EIF2AK4: variants seen among roughly 807,000 people sequenced by gnomAD.
EIF2AK4 encodes eukaryotic translation initiation factor 2 alpha kinase 4, also known as eIF-2-alpha kinase GCN2.
EIF2AK4 carries 139 observed loss-of-function variants against 211.1 expected under a neutral mutation model. The observed-to-expected ratio is 0.66, with a 90% CI of 0.57 to 0.76. EIF2AK4 has a LOEUF of 0.76. Among genes scored for constraint, EIF2AK4 ranks in the 30% least tolerant of loss-of-function variants. The pLI, the probability that EIF2AK4 is intolerant of heterozygous loss-of-function variation, is 0.00. For synonymous variants in EIF2AK4, 710 were observed against 751.3 expected, an observed-to-expected ratio of 0.94 and a Z score of 0.90; for missense variants, 1,664 against 2,043.8, an observed-to-expected ratio of 0.81 and a Z score of 3.58.
chr15:39,984,350 C>T (rs936744988), intron 13 of EIF2AK4, among the ~76,000 whole-genome samples: 4 of 152,100 alleles, frequency 2.6e-5, no homozygotes, highest in Non-Finnish European at 5.9e-5. Context: ...TTTTTGGTCC[C>T]ATATAAAATT....
At chr15:40,023,195 A>G (rs117394426) in intron 32 of EIF2AK4, among the ~76,000 whole-genome samples, 5,082 of 152,330 alleles carry the variant, frequency 0.033, 115 homozygotes, top group Middle Eastern at 0.078. Flanking sequence ...GTAAAGTTGT[A>G]TCTGCTGATA....
chr15:40,013,370 A>G (rs1209941290), intron 27 of EIF2AK4, among the ~76,000 whole-genome samples: 1 of 152,160 alleles, frequency 6.6e-6, no homozygotes, highest in East Asian at 1.9e-4. Context: ...TTTATCTTTA[A>G]TCCCTCTATT....
intron 13 of EIF2AK4, among the ~76,000 whole-genome samples, chr15:39,984,721 G>C (rs879925598): frequency 6.6e-6 from 1 of 152,222 alleles, no homozygotes; most frequent in East Asian, 1.9e-4. Flanking sequence ...AGACTTTGCT[G>C]AAGTTGCTTA....
At chr15:40,024,981 G>C (rs777840466) in intron 32 of EIF2AK4, among the ~76,000 whole-genome samples, 2 of 152,134 alleles carry the variant, frequency 1.3e-5, no homozygotes, top group Non-Finnish European at 2.9e-5. Context: ...TACAGATAAA[G>C]TTCTCCAAGG....
Position 39,973,023 on chromosome 15 carries a change from G to T in EIF2AK4, c.1660+9G>T, listed in dbSNP as rs556018078. ...GGAACAAAGTCCTGAAGGTGAGTCT[G>T]TTACCTTTCTTTATTTGGTAACCTG... On this transcript the variant is annotated intron_variant, in intron 10 of 38. Transcript: ENST00000263791. The T allele has an allele frequency of 6.2e-7, 1 of 1,606,194 alleles. No homozygotes were observed. Among genetic ancestry groups the T allele is most frequent in the East Asian group, 2.2e-5 (1 of 44,816 alleles).
At chr15:39,949,636 G>A (rs1027023346) in intron 4 of EIF2AK4, among the ~76,000 whole-genome samples, 18 of 152,070 alleles carry the variant, frequency 1.2e-4, no homozygotes, top group Non-Finnish European at 1.5e-4. Context: ...GCAAAAGCCA[G>A]AGAATAATTT....
At chr15:39,985,747 A>G in intron 13 of EIF2AK4, 58 bp from the exon 14 acceptor site, 1 of 1,552,232 alleles carries the variant, frequency 6.4e-7, no homozygotes, top group East Asian at 2.3e-5. Context: ...AATGATGGTG[A>G]TGATTTTGCT....
rs2035118325 is a variant in EIF2AK4, at chr15:40,003,330, C to CGTT, written c.3357+16_3357+17insGTT. 1 of 1,613,286 alleles carries CGTT rather than the reference C, an allele frequency of 6.2e-7. No individual in the cohort carries two copies. The highest frequency in any genetic ancestry group is 8.5e-7 in the Non-Finnish European group (1 of 1,179,708). ...TGACCTGCGGGTGAGGCTGGGAACA[C>CGTT]ACTGCTGACAATCAGAATGCTGTAT... is the stretch of plus-strand genomic sequence containing the variant. On this transcript the variant is annotated intron_variant, in intron 23 of 38. Transcript: ENST00000263791.
rs1480177632 is a variant in EIF2AK4, at chr15:40,030,423, G to C, written c.4626G>C (p.Leu1542=). 5.0e-6 allele frequency: 8 copies of C among 1,614,010 alleles called. No homozygotes were observed. Among genetic ancestry groups the C allele is most frequent in the Non-Finnish European group, 6.8e-6 (8 of 1,180,028 alleles). Residue 1542 remains leucine, a synonymous_variant, in exon 35 of 39, where the codon CTG becomes CTC. Coordinates refer to ENST00000263791, the MANE Select transcript of EIF2AK4 (RefSeq NM_001013703.4). ...TGAGTGTGCTAGCCCCGGAGAAGCT[G>C]TCAGCCAGCACTAGGAGGCGCTATG... The part of the protein sequence containing the change: ...PIVSVLAPEK[L]SASTRRRYET...
chr15:40,007,137 A>T, intron 24 of EIF2AK4, 72 bp downstream of exon 24: 1 of 1,315,398 alleles, frequency 7.6e-7, no homozygotes, highest in African/African-American at 1.5e-5. Context: ...CCAGGAAAGA[A>T]TATTTTATTT....
Position 40,009,664 on chromosome 15 carries a change from A to C in EIF2AK4, c.3627A>C (p.Ile1209=). ...YLNHTMLLKA[I]LLHCGIPEDK... is the part of the protein sequence containing the mutation. ...ACCATACCATGTTATTGAAAGCAAT[A>C]CTCTTACACTGTGGGATCCCAGAAG... Residue 1209 remains isoleucine (I), a synonymous_variant, in exon 26 of 39, where the codon ATA becomes ATC. Transcript: ENST00000263791. 6.2e-7 allele frequency: 1 copy of C among 1,609,962 alleles called. No individual in the cohort carries two copies.
chr15:39,949,397 G>C (rs1269624967), intron 4 of EIF2AK4, 129 bp downstream of exon 4: 2 of 1,348,338 alleles, frequency 1.5e-6, no homozygotes, highest in Admixed American at 4.8e-5. Context: ...AAGAAAGGTA[G>C]ACACATGTGA....
At chr15:39,985,172 T>C (rs2034847432) in intron 13 of EIF2AK4, among the ~76,000 whole-genome samples, 1 of 152,364 alleles carries the variant, frequency 6.6e-6, no homozygotes, top group Admixed American at 6.5e-5. Flanking sequence ...TTCTGTATAT[T>C]GAACCAGCCT....
chr15:40,031,874 G>C lies in EIF2AK4; in HGVS notation c.4660-295G>C, dbSNP rs2898984. Among the ~76,000 whole-genome samples, 137,904 of 152,212 alleles carry C rather than the reference G, an allele frequency of 0.91. 62,526 individuals are homozygous for C. Among genetic ancestry groups the C allele is most frequent in the Admixed American group, 0.94 (14,401 of 15,300 alleles). ...CCGAATAGCTAGTATTATAAGCGCCGGCCACCATGCCCTGCTAATTTTTCT... is the reference window on the plus strand; with the variant it reads ...CCGAATAGCTAGTATTATAAGCGCCCGCCACCATGCCCTGCTAATTTTTCT... On this transcript the variant is annotated intron_variant, in intron 35 of 38. Transcript: ENST00000263791.
At chr15:39,934,995 T>C (rs1330383402) in intron 1 of EIF2AK4, among the ~76,000 whole-genome samples, 2 of 152,064 alleles carry the variant, frequency 1.3e-5, no homozygotes, top group Non-Finnish European at 2.9e-5. Flanking sequence ...TTGGCTTCCC[T>C]GGGCCACACA....
At chr15:39,985,508 C>T (rs182918035) in intron 13 of EIF2AK4, among the ~76,000 whole-genome samples, 107 of 152,254 alleles carry the variant, frequency 7.0e-4, no homozygotes, top group African/African-American at 2.5e-3. Flanking sequence ...TGTGTAAATT[C>T]CTGGACACAT....
In EIF2AK4 at chr15:40,017,098, C is replaced by T. The variant is rs753311077; in HGVS notation, c.3931-10C>T. On this transcript the variant is annotated splice_polypyrimidine_tract_variant and intron_variant, in intron 28 of 38. Transcript: ENST00000263791. ...CCCTTGACACATTTGTGTGGCATCT[C>T]TCTTTATAGGTCTTGATCAATTTGG... The T allele has an allele frequency of 1.2e-5, 20 of 1,604,244 alleles. No homozygotes were observed. The African/African-American group carries it at 2.4e-4, about 19-fold the overall frequency.
intron 34 of EIF2AK4, 76 bp downstream of exon 34, chr15:40,029,540 G>C (rs1442122678): frequency 1.4e-6 from 2 of 1,414,162 alleles, no homozygotes. Context: ...GTAGCTAACT[G>C]CTTGTGACAC....
At chr15:39,977,531 T>A (rs1030033658) in intron 12 of EIF2AK4, 1 of 152,176 alleles carries the variant, frequency 6.6e-6, no homozygotes, top group Non-Finnish European at 1.5e-5. Flanking sequence ...GGACCCCTAA[T>A]CTAAAGGATT....
Sources: gnomAD v4.1 joint callset for allele counts (sites outside exome capture counted in the v4.1 genomes callset) on GRCh38, gnomAD v4.1.1 for gene constraint, MANE v1.5 for transcripts, NCBI Gene and HGNC (gene_info 2026-07-23, HGNC 2026-07-21) for gene names.